The following KCNQ5 variants were observed in gnomAD, a reference collection of about 807,000 sequenced individuals.
KCNQ5 encodes the protein potassium voltage-gated channel subfamily Q member 5.
In KCNQ5, 30 loss-of-function variants were observed where a neutral mutation model predicts 98.2. The observed-to-expected ratio is 0.31, with a 90% confidence interval of 0.23 to 0.41. The LOEUF is 0.41. Ranked by LOEUF, KCNQ5 falls within the 10% of genes least tolerant of loss-of-function variation. KCNQ5 has a pLI of 1.00. For missense variants in KCNQ5, 835 were observed against 1,182.5 expected (o/e 0.71, Z 4.31); for synonymous variants, 458 against 449.4 (o/e 1.02, Z -0.24).
At chr6:73,007,293 T>C (rs1769856803) in intron 2 of KCNQ5, among the ~76,000 whole-genome samples, 1 of 152,136 alleles carries the variant, frequency 6.6e-6, no homozygotes, top group Non-Finnish European at 1.5e-5. Flanking sequence ...AGCATAGACT[T>C]AAGAATGTGA....
At chr6:72,831,528 A>G (rs908048471) in intron 1 of KCNQ5, among the ~76,000 whole-genome samples, 3 of 148,972 alleles carry the variant, frequency 2.0e-5, no homozygotes, top group South Asian at 2.2e-4. Context: ...GAAATGACCA[A>G]TGAGAACACT....
chr6:72,646,651 C>T (rs1206816817), intron 1 of KCNQ5, among the ~76,000 whole-genome samples: 3 of 152,162 alleles, frequency 2.0e-5, no homozygotes, highest in African/African-American at 7.2e-5. Context: ...GCCAATCCAG[C>T]CTTGTTTGAG....
intron 1 of KCNQ5, among the ~76,000 whole-genome samples, chr6:72,740,445 C>T (rs746221421): frequency 9.9e-5 from 15 of 152,044 alleles, no homozygotes; most frequent in Non-Finnish European, 1.9e-4. Context: ...TTACATTTGC[C>T]ATGAGTACCT....
chr6:73,120,442 C>T lies in KCNQ5; in HGVS notation c.1126-41C>T, dbSNP rs745360493. 1.7e-5 allele frequency: 23 copies of T among 1,369,526 alleles called. No homozygotes were observed. The African/African-American group carries it at 3.0e-4, about 18-fold the overall frequency. 84.8% of individuals were successfully genotyped at this position (1,369,526 alleles called of 1,614,324 possible). On this transcript the variant is annotated intron_variant, in intron 7 of 13. Coordinates refer to ENST00000370398, the MANE Select transcript of KCNQ5 (RefSeq NM_019842.4). ...TTTTTATTTTATTCTAAATCCTGCT[C>T]TCTTTTTTCTTTTTCATGTCCCCAT...
At chr6:72,873,355 C>A (rs1287681709) in intron 1 of KCNQ5, among the ~76,000 whole-genome samples, 1 of 152,030 alleles carries the variant, frequency 6.6e-6, no homozygotes, top group Non-Finnish European at 1.5e-5. Context: ...TTACATCTGT[C>A]GCCAATATGG....
At chr6:72,835,403 T>C (rs574351195) in intron 1 of KCNQ5, among the ~76,000 whole-genome samples, 10 of 152,266 alleles carry the variant, frequency 6.6e-5, no homozygotes, top group Non-Finnish European at 7.4e-5. Flanking sequence ...TCGAGGCCAT[T>C]TTTCCCTTTC....
chr6:73,078,832 A>G (rs554827691), intron 5 of KCNQ5, among the ~76,000 whole-genome samples: 1 of 152,378 alleles, frequency 6.6e-6, no homozygotes, highest in South Asian at 2.1e-4. Context: ...ACTCTGAACA[A>G]CGCATAGTTT....
At chr6:73,014,194 T>A (rs532467250) in intron 2 of KCNQ5, among the ~76,000 whole-genome samples, 4 of 152,104 alleles carry the variant, frequency 2.6e-5, no homozygotes, top group African/African-American at 9.7e-5. Flanking sequence ...CTGTCTGGAG[T>A]GCATTTCCTC....
chr6:73,076,689 G>A (rs1190390820), intron 3 of KCNQ5, among the ~76,000 whole-genome samples: 2 of 152,130 alleles, frequency 1.3e-5, no homozygotes, highest in African/African-American at 4.8e-5. Flanking sequence ...CACATAATTG[G>A]TGAACAGGTC....
At chr6:72,799,536 C>T (rs1774523756) in intron 1 of KCNQ5, among the ~76,000 whole-genome samples, 1 of 152,184 alleles carries the variant, frequency 6.6e-6, no homozygotes, top group South Asian at 2.1e-4. Flanking sequence ...CACCTAGCTT[C>T]AACAACAGAA....
chr6:73,003,790 T>C (rs1438600172), intron 1 of KCNQ5, 118 bp from the exon 2 acceptor site: 2 of 652,292 alleles, frequency 3.1e-6, no homozygotes, highest in Non-Finnish European at 5.4e-6. Flanking sequence ...CCAGAGTTTT[T>C]ATGAGTTAAT....
chr6:72,705,599 T>TTTTGTTG (rs61085754), intron 1 of KCNQ5, among the ~76,000 whole-genome samples: 5 of 151,230 alleles, frequency 3.3e-5, no homozygotes, highest in Admixed American at 1.3e-4. Flanking sequence ...TGTTTTTTTT[T>TTTTGTTG]TTGTTGTTGT....
chr6:72,711,978 A>T (rs1769392059), intron 1 of KCNQ5, among the ~76,000 whole-genome samples: 1 of 152,212 alleles, frequency 6.6e-6, no homozygotes, highest in South Asian at 2.1e-4. Context: ...ATGGACTGGA[A>T]ATATAAACTT....
At position 73,118,460 on chromosome 6, in the gene KCNQ5, T is replaced by C. The variant is rs546659055; in HGVS notation, c.1126-2023T>C. On this transcript the variant is annotated intron_variant, in intron 7 of 13. Coordinates refer to ENST00000370398, the MANE Select transcript of KCNQ5 (RefSeq NM_019842.4). ...CTTTAGTTTATTAGAAACCAACATA[T>C]AGTACATATCTTTTAATGAACATAT... Among the ~76,000 whole-genome samples, 6 of 152,348 alleles carry C rather than the reference T, an allele frequency of 3.9e-5. 1 individual carries two copies. Among genetic ancestry groups the C allele is most frequent in the African/African-American group, 1.4e-4 (6 of 41,584 alleles).
intron 1 of KCNQ5, among the ~76,000 whole-genome samples, chr6:72,990,556 G>T (rs1484100438): frequency 2.3e-5 from 2 of 88,486 alleles, no homozygotes; most frequent in Non-Finnish European, 4.3e-5. Flanking sequence ...GGAGATTTTG[G>T]GCTGAGACGA....
chr6:72,867,351 C>A (rs1413843681), intron 1 of KCNQ5, among the ~76,000 whole-genome samples: 1 of 152,144 alleles, frequency 6.6e-6, no homozygotes, highest in Non-Finnish European at 1.5e-5. Context: ...GTCTCTCTTG[C>A]CAGCCTGTTA....
intron 11 of KCNQ5, among the ~76,000 whole-genome samples, chr6:73,170,751 T>C (rs1470667076): frequency 6.6e-6 from 1 of 151,760 alleles, no homozygotes; most frequent in African/African-American, 2.4e-5. Flanking sequence ...CTGGCCAACT[T>C]GACGAAACCC....
At chr6:73,133,737 G>C (rs1015654309) in intron 10 of KCNQ5, 96 bp downstream of exon 10, 2 of 1,045,152 alleles carry the variant, frequency 1.9e-6, no homozygotes, top group Non-Finnish European at 2.9e-6. Context: ...CTTGAAGAAA[G>C]AAGAAAACAA....
At chr6:73,193,555 T>A (rs1313305297) in intron 13 of KCNQ5, among the ~76,000 whole-genome samples, 1 of 150,402 alleles carries the variant, frequency 6.6e-6, no homozygotes, top group Non-Finnish European at 1.5e-5. Context: ...TGATGACACA[T>A]TGAATGTTTG....
Sources: allele counts gnomAD v4.1 joint callset (sites outside exome capture counted in the v4.1 genomes callset), GRCh38; gene constraint gnomAD v4.1.1; transcripts MANE v1.5; gene names NCBI Gene and HGNC (gene_info 2026-07-23, HGNC 2026-07-21).